The following CLVS1 variants were observed in gnomAD, a reference collection of about 807,000 sequenced individuals.
CLVS1 encodes the protein clavesin 1.
In CLVS1, 10 loss-of-function variants were observed where a neutral mutation model predicts 33.1. The ratio of observed to expected loss-of-function variants is 0.30; its 90% CI spans 0.19 to 0.51. CLVS1 has a LOEUF of 0.51. CLVS1 is among the 20% of genes least tolerant of loss of function. The pLI is 0.97. For synonymous variants in CLVS1, 163 were observed against 166.1 expected (o/e 0.98, Z 0.14); for missense variants, 343 against 433.4 (o/e 0.79, Z 1.85).
intron 2 of CLVS1, among the ~76,000 whole-genome samples, chr8:61,259,663 G>A (rs1414732848): frequency 5.9e-5 from 9 of 152,200 alleles, no homozygotes; most frequent in East Asian, 5.8e-4. Context: ...TCAATAGCAC[G>A]GCACATGCAG....
intron 1 of CLVS1, among the ~76,000 whole-genome samples, chr8:61,059,969 T>C (rs6991397): frequency 0.54 from 81,902 of 151,852 alleles, 23,874 homozygotes; most frequent in African/African-American, 0.76. Flanking sequence ...TGTGCTTCTC[T>C]AACCTCTCTT....
intron 1 of CLVS1, among the ~76,000 whole-genome samples, chr8:61,063,314 G>C (rs1437127805): frequency 9.2e-6 from 1 of 108,176 alleles, no homozygotes; most frequent in African/African-American, 3.7e-5. Context: ...AGAGAGAACA[G>C]TCATTTTCCT....
At chr8:61,212,024 A>G (rs987170027) in intron 2 of CLVS1, among the ~76,000 whole-genome samples, 3 of 152,220 alleles carry the variant, frequency 2.0e-5, no homozygotes, top group African/African-American at 7.2e-5. Flanking sequence ...TTGTGCTGAC[A>G]CATTAATTTT....
intron 2 of CLVS1, among the ~76,000 whole-genome samples, chr8:61,258,055 A>G (rs1809123240): frequency 6.6e-6 from 1 of 152,214 alleles, no homozygotes; most frequent in South Asian, 2.1e-4. Flanking sequence ...GAAAGCCATC[A>G]GTGAAACCTC....
intron 2 of CLVS1, among the ~76,000 whole-genome samples, chr8:61,374,150 C>A (rs1813549804): frequency 6.6e-6 from 1 of 152,182 alleles, no homozygotes; most frequent in Non-Finnish European, 1.5e-5. Context: ...CTCAAGGAGG[C>A]CATAGCTAGT....
At chr8:61,017,732 C>T in the CLVS1 span, among the ~76,000 whole-genome samples, 1 of 152,204 alleles carries the variant, frequency 6.6e-6, no homozygotes, top group African/African-American at 2.4e-5. Context: ...AGCAGGTGAG[C>T]ATGCACTGGC....
the CLVS1 span, among the ~76,000 whole-genome samples, chr8:60,985,342 C>T: frequency 2.0e-5 from 3 of 152,346 alleles, no homozygotes; most frequent in Non-Finnish European, 2.9e-5. Context: ...GCACCAGCCA[C>T]GGGCAATAGA....
intron 2 of CLVS1, among the ~76,000 whole-genome samples, chr8:61,232,947 G>A (rs1463351724): frequency 2.0e-5 from 3 of 151,976 alleles, no homozygotes; most frequent in Non-Finnish European, 4.4e-5. Flanking sequence ...TAGAATCTTT[G>A]GAAAATAATA....
intron 2 of CLVS1, among the ~76,000 whole-genome samples, chr8:61,253,993 G>A (rs771988104): frequency 7.2e-5 from 11 of 152,184 alleles, no homozygotes; most frequent in South Asian, 2.1e-4. Flanking sequence ...GCGGAGAGGC[G>A]CTCTGATTTT....
chr8:61,295,902 A>G (rs7008061), intron 1 of CLVS1, among the ~76,000 whole-genome samples: 35,789 of 152,050 alleles, frequency 0.24, 7,041 homozygotes, highest in East Asian at 0.84. Flanking sequence ...AGAACATAAT[A>G]AATACCTATA....
intron 3 of CLVS1, among the ~76,000 whole-genome samples, chr8:61,385,648 T>C (rs114988875): frequency 0.014 from 2,133 of 152,386 alleles, 48 homozygotes; most frequent in African/African-American, 0.046. Context: ...AACAATGTCA[T>C]GAAAACTATC....
intron 1 of CLVS1, among the ~76,000 whole-genome samples, chr8:61,295,809 TGAGG>T (rs1323599920): frequency 1.1e-4 from 16 of 152,084 alleles, no homozygotes; most frequent in African/African-American, 3.9e-4. Flanking sequence ...ATTTGAAAAA[TGAGG>T]ACAATAATAT....
chr8:61,296,366 AC>A (rs2129594247), intron 1 of CLVS1, among the ~76,000 whole-genome samples: 2 of 152,318 alleles, frequency 1.3e-5, no homozygotes, highest in Admixed American at 1.3e-4. Flanking sequence ...GAAAAATGCA[AC>A]CTCAACTTTC....
intron 2 of CLVS1, among the ~76,000 whole-genome samples, chr8:61,171,955 G>T (rs1203462774): frequency 6.6e-6 from 1 of 152,178 alleles, no homozygotes; most frequent in Non-Finnish European, 1.5e-5. Flanking sequence ...CTCAGGGTTG[G>T]ATTTTATCAG....
chr8:61,256,531 A>G (rs1809085914), intron 2 of CLVS1, among the ~76,000 whole-genome samples: 1 of 152,222 alleles, frequency 6.6e-6, no homozygotes, highest in East Asian at 1.9e-4. Flanking sequence ...AAAACAAAAC[A>G]AAACAAAACA....
the CLVS1 span, among the ~76,000 whole-genome samples, chr8:61,034,955 T>A: frequency 1.3e-5 from 2 of 152,282 alleles, no homozygotes; most frequent in South Asian, 4.1e-4. Flanking sequence ...TGGGGCCTAA[T>A]CCTTTAAGTT....
At chr8:61,317,056 G>A (rs1811037912) in intron 2 of CLVS1, among the ~76,000 whole-genome samples, 1 of 151,964 alleles carries the variant, frequency 6.6e-6, no homozygotes, top group African/African-American at 2.4e-5. Flanking sequence ...CACTTCATTA[G>A]GTTACTAAAT....
chr8:61,374,268 C>T (rs947731800), intron 2 of CLVS1, among the ~76,000 whole-genome samples: 4 of 152,124 alleles, frequency 2.6e-5, no homozygotes, highest in Non-Finnish European at 5.9e-5. Context: ...TCTTTTTTAA[C>T]AGAACCTTGA....
At chr8:61,004,773 G>A in the CLVS1 span, among the ~76,000 whole-genome samples, 1 of 152,192 alleles carries the variant, frequency 6.6e-6, no homozygotes, top group Non-Finnish European at 1.5e-5. Context: ...GGAGGCCTCT[G>A]CCTGGGCCCC....
Sources: gnomAD v4.1 joint callset for allele counts (sites outside exome capture counted in the v4.1 genomes callset) on GRCh38, gnomAD v4.1.1 for gene constraint, MANE v1.5 for transcripts, NCBI Gene and HGNC (gene_info 2026-07-23, HGNC 2026-07-21) for gene names.